KCNJ3: variants seen among roughly 807,000 people sequenced by gnomAD.
KCNJ3 encodes G protein-activated inward rectifier potassium channel 1.
A neutral mutation model predicts 39.2 loss-of-function variants in KCNJ3; 4 were observed. The ratio of observed to expected loss-of-function variants is 0.10; its 90% CI spans 0.05 to 0.23. The LOEUF (loss-of-function observed/expected upper bound fraction) is 0.23, where lower values mean the gene tolerates loss of function less well. Ranked by LOEUF, KCNJ3 falls within the 10% of genes least tolerant of loss-of-function variation. The pLI is 1.00. For missense variants in KCNJ3, 276 were observed against 634.9 expected, an observed-to-expected ratio of 0.43 and a Z score of 6.08; for synonymous variants, 230 against 237.4, an observed-to-expected ratio of 0.97 and a Z score of 0.29.
intron 2 of KCNJ3, among the ~76,000 whole-genome samples, chr2:154,779,893 A>G (rs933882754): frequency 2.0e-5 from 3 of 152,018 alleles, no homozygotes; most frequent in East Asian, 1.9e-4. Context: ...GAGGTATTAT[A>G]ATTTTATTTT....
chr2:154,706,603 C>T (rs1490035568), intron 1 of KCNJ3, among the ~76,000 whole-genome samples: 1 of 152,118 alleles, frequency 6.6e-6, no homozygotes, highest in Non-Finnish European at 1.5e-5. Flanking sequence ...CTTTCTCTCA[C>T]TCCTTTTACA....
chr2:154,740,560 C>T (rs1271594808), intron 2 of KCNJ3, among the ~76,000 whole-genome samples: 1 of 151,908 alleles, frequency 6.6e-6, no homozygotes. Context: ...GCATCTGTCC[C>T]CTTGGCATGT....
At chr2:154,703,485 G>A (rs976690092) in intron 1 of KCNJ3, among the ~76,000 whole-genome samples, 2 of 151,472 alleles carry the variant, frequency 1.3e-5, no homozygotes, top group East Asian at 1.9e-4. Context: ...ATATATGTGT[G>A]TGTGTGTGTG....
At chr2:154,810,586 A>G (rs1365520006) in intron 2 of KCNJ3, among the ~76,000 whole-genome samples, 1 of 152,152 alleles carries the variant, frequency 6.6e-6, no homozygotes, top group Non-Finnish European at 1.5e-5. Flanking sequence ...TGAAAAATAA[A>G]TTTGGCATTT....
intron 2 of KCNJ3, among the ~76,000 whole-genome samples, chr2:154,717,662 A>G (rs998567583): frequency 1.3e-5 from 2 of 152,222 alleles, no homozygotes; most frequent in Admixed American, 6.5e-5. Flanking sequence ...AGAATGATAA[A>G]TAAAACAGCA....
chr2:154,821,329 A>G (rs887349438), intron 2 of KCNJ3, among the ~76,000 whole-genome samples: 1 of 152,178 alleles, frequency 6.6e-6, no homozygotes. Context: ...CAAGACATAG[A>G]CACTATTTCT....
At chr2:154,712,065 A>G (rs779220794) in intron 2 of KCNJ3, among the ~76,000 whole-genome samples, 77 of 152,182 alleles carry the variant, frequency 5.1e-4, no homozygotes, top group Non-Finnish European at 1.5e-4. Flanking sequence ...ACAAATAAGA[A>G]AAACATTACT....
At chr2:154,842,742 A>G (rs1414292764) in intron 2 of KCNJ3, among the ~76,000 whole-genome samples, 1 of 152,056 alleles carries the variant, frequency 6.6e-6, no homozygotes, top group African/African-American at 2.4e-5. Context: ...AGTCTGTTTT[A>G]TCAGAGACTA....
chr2:154,728,789 T>G (rs539190991), intron 2 of KCNJ3, among the ~76,000 whole-genome samples: 2 of 152,256 alleles, frequency 1.3e-5, no homozygotes, highest in Non-Finnish European at 2.9e-5. Flanking sequence ...TCTGGGCCAG[T>G]TGAATAACTT....
intron 2 of KCNJ3, among the ~76,000 whole-genome samples, chr2:154,787,554 ATGTATTTACCTCTTCTTATTC>A (rs2105207939): frequency 6.6e-6 from 1 of 152,250 alleles, no homozygotes; most frequent in Admixed American, 6.5e-5. Context: ...ATGCAGATCC[ATGTATTTACCTCTTCTTATTC>A]TTTCTGTTTT....
chr2:154,856,872 C>CTTCT lies in KCNJ3; in HGVS notation c.*1562_*1565dup, dbSNP rs1320214608. The CTTCT allele has an allele frequency of 3.9e-5, 6 of 152,068 alleles. No homozygotes were observed. Among genetic ancestry groups the CTTCT allele is most frequent in the Non-Finnish European group, 8.8e-5 (6 of 68,018 alleles). 9.4% of individuals were successfully genotyped at this position (152,068 alleles called of 1,614,324 possible). On this transcript the variant is annotated 3_prime_UTR_variant, in exon 3 of 3. Transcript: ENST00000295101. ...GAATATCATGGGTTTTCCTATAAAA[C>CTTCT]TTCTTTAAGTATTGTAATTCCAGTC...
chr2:154,725,694 A>G (rs1172466943), intron 2 of KCNJ3, among the ~76,000 whole-genome samples: 1 of 152,168 alleles, frequency 6.6e-6, no homozygotes, highest in African/African-American at 2.4e-5. Context: ...ACATTACCCA[A>G]CTTCAAACTA....
intron 2 of KCNJ3, among the ~76,000 whole-genome samples, chr2:154,792,504 G>GTTAGTTTA (rs1686652166): frequency 1.3e-5 from 2 of 152,078 alleles, no homozygotes; most frequent in Non-Finnish European, 2.9e-5. Flanking sequence ...AAGCTAATCT[G>GTTAGTTTA]TTAGTTTATA....
intron 2 of KCNJ3, among the ~76,000 whole-genome samples, chr2:154,786,903 A>G (rs1686539490): frequency 6.6e-6 from 1 of 152,190 alleles, no homozygotes; most frequent in Non-Finnish European, 1.5e-5. Context: ...GGCACAGGGA[A>G]AGCAGATTTA....
intron 2 of KCNJ3, among the ~76,000 whole-genome samples, chr2:154,719,985 CT>C (rs1465683573): frequency 1.3e-5 from 2 of 151,972 alleles, no homozygotes; most frequent in African/African-American, 4.8e-5. Context: ...ATTATTTGAC[CT>C]GCTGGATTCA....
At chr2:154,770,746 TG>T (rs1686226376) in intron 2 of KCNJ3, among the ~76,000 whole-genome samples, 1 of 152,172 alleles carries the variant, frequency 6.6e-6, no homozygotes, top group African/African-American at 2.4e-5. Context: ...AGTCTCTGGA[TG>T]ACAGCTGTTC....
chr2:154,850,104 T>C (rs1687734388), intron 2 of KCNJ3, among the ~76,000 whole-genome samples: 1 of 142,942 alleles, frequency 7.0e-6, no homozygotes, highest in African/African-American at 2.6e-5. Flanking sequence ...GCAGCATCTG[T>C]TGCTTTGCCA....
intron 2 of KCNJ3, among the ~76,000 whole-genome samples, chr2:154,820,661 C>A (rs1294348320): frequency 6.6e-6 from 1 of 152,096 alleles, no homozygotes; most frequent in Non-Finnish European, 1.5e-5. Flanking sequence ...GCAAACCTGG[C>A]AGTTACAGCT....
At chr2:154,707,734 A>G (rs959082389) in intron 1 of KCNJ3, among the ~76,000 whole-genome samples, 2 of 152,268 alleles carry the variant, frequency 1.3e-5, no homozygotes, top group African/African-American at 2.4e-5. Context: ...AAAAGACCCA[A>G]ATTAATTATA....
Sources: allele counts gnomAD v4.1 joint callset (sites outside exome capture counted in the v4.1 genomes callset), GRCh38; gene constraint gnomAD v4.1.1; transcripts MANE v1.5; gene names NCBI Gene and HGNC (gene_info 2026-07-23, HGNC 2026-07-21).